The following PEX11A variants were observed in gnomAD, a reference collection of about 807,000 sequenced individuals.
PEX11A encodes peroxisomal membrane protein 11A.
Under a neutral mutation model 14.4 loss-of-function variants are expected in PEX11A, and 13 were observed. That is an observed-to-expected ratio of 0.90 (90% CI 0.59 to 1.43). The LOEUF (loss-of-function observed/expected upper bound fraction) is 1.43. PEX11A is among the 40% of genes most tolerant of loss of function. PEX11A has a pLI of 0.00. For synonymous variants in PEX11A, 101 were observed against 113.0 expected (o/e 0.89, Z 0.67); for missense variants, 290 against 302.8 (o/e 0.96, Z 0.31).
intron 2 of PEX11A, 33 bp downstream of exon 2, chr15:89,686,398 G>A (rs773664119): frequency 4.4e-6 from 4 of 912,658 alleles, no homozygotes; most frequent in Non-Finnish European, 5.5e-6. Context: ...TCTAAACCAG[G>A]AGTCACTGTC....
At position 89,686,637 on chromosome 15, in the gene PEX11A, CA is replaced by C. The variant is rs1403362651; in HGVS notation, c.57-92del. 42 of 666,716 alleles carry C rather than the reference CA, an allele frequency of 6.3e-5. 1 individual carries two copies. The highest frequency in any genetic ancestry group is 2.6e-4 in the Middle Eastern group (1 of 3,830). The allele number at this position is 666,716 out of a possible 1,614,324, so 41.3% of individuals were successfully genotyped here. ...TAAGGGAAAGAGAAACACATGCCTC[CA>C]GACAACATTTCCAAGACCATTTCTC... On this transcript the variant is annotated intron_variant, in intron 1 of 2. Coordinates refer to ENST00000300056, the MANE Select transcript of PEX11A (RefSeq NM_003847.3).
Position 89,683,267 on chromosome 15 carries a change from A to G in PEX11A, c.*110T>C. On this transcript the variant is annotated 3_prime_UTR_variant, in exon 3 of 3. Transcript: ENST00000300056. The stretch of plus-strand genomic sequence containing the variant: ...ACATCACAGGTTGTTAAATGCTCAC[A>G]TGAACAAGAACTTAAGCACAGTATG... 2 of 776,224 alleles carry G rather than the reference A, an allele frequency of 2.6e-6. No homozygotes were observed. The highest frequency in any genetic ancestry group is 4.3e-6 in the Non-Finnish European group (2 of 464,130). The allele number at this position is 776,224 out of a possible 1,614,324, so 48.1% of individuals were successfully genotyped here.
Position 89,690,678 on chromosome 15 carries a change from GTCCTCTGGGGCCCGTCGGAT to G in PEX11A, c.-66_-47del. 7.0e-7 allele frequency: 1 copy of G among 1,424,274 alleles called. No homozygotes were observed. Among genetic ancestry groups the G allele is most frequent in the Non-Finnish European group, 9.7e-7 (1 of 1,033,388 alleles). 88.2% of individuals were successfully genotyped at this position (1,424,274 alleles called of 1,614,324 possible). On this transcript the variant is annotated 5_prime_UTR_variant, in exon 1 of 3. Coordinates refer to ENST00000300056, the MANE Select transcript of PEX11A (RefSeq NM_003847.3). ...CGAGTCGCACGGGGCTCAGGCGTGG[GTCCTCTGGGGCCCGTCGGAT>G]CCCCAGGGAACGGTCAGTCCCAGGT...
At chr15:89,684,808 C>T (rs902518274) in intron 2 of PEX11A, among the ~76,000 whole-genome samples, 1 of 152,100 alleles carries the variant, frequency 6.6e-6, no homozygotes, top group African/African-American at 2.4e-5. Flanking sequence ...CTAAATGTCA[C>T]GGAGGATACA....
chr15:89,689,888 T>C (rs1005525509), intron 1 of PEX11A, among the ~76,000 whole-genome samples: 1 of 152,184 alleles, frequency 6.6e-6, no homozygotes, highest in African/African-American at 2.4e-5. Context: ...CCCAGCACTT[T>C]GGGAAGCCGA....
Position 89,683,286 on chromosome 15 carries a change from C to T in PEX11A, c.*91G>A. 1 of 880,870 alleles carries T rather than the reference C, an allele frequency of 1.1e-6. No homozygotes were observed. The highest frequency in any genetic ancestry group is 1.8e-6 in the Non-Finnish European group (1 of 554,904). 54.6% of individuals were successfully genotyped at this position (880,870 alleles called of 1,614,324 possible). On this transcript the variant is annotated 3_prime_UTR_variant, in exon 3 of 3. Transcript: ENST00000300056. ...GCTCACATGAACAAGAACTTAAGCACAGTATGACATGGCCTGTGACTTATA... is the reference window on the plus strand; with the variant it reads ...GCTCACATGAACAAGAACTTAAGCATAGTATGACATGGCCTGTGACTTATA...
rs1184709210 is a variant in PEX11A, at chr15:89,690,560, G to A, written c.56+17C>T. On this transcript the variant is annotated intron_variant, in intron 1 of 2. Transcript: ENST00000300056. ...TTAGGGCGAGAAAGGGGCGGAGGCC[G>A]CTGGCACCTGACTCACCTGAAGAGT... The A allele has an allele frequency of 6.5e-7, 1 of 1,546,890 alleles. No individual in the cohort carries two copies. The highest frequency in any genetic ancestry group is 2.5e-5 in the East Asian group (1 of 40,768).
At chr15:89,686,654 A>G (rs1964681342) in intron 1 of PEX11A, 108 bp from the exon 2 acceptor site, 1 of 614,900 alleles carries the variant, frequency 1.6e-6, no homozygotes, top group South Asian at 2.0e-5. Context: ...CATTTCCAAG[A>G]CCATTTCTCA....
Position 89,690,706 on chromosome 15 carries a change from G to C in PEX11A, c.-74C>G, listed in dbSNP as rs1479935487. 9.0e-7 allele frequency: 1 copy of C among 1,105,592 alleles called. No individual in the cohort carries two copies. Among genetic ancestry groups the C allele is most frequent in the Non-Finnish European group, 1.3e-6 (1 of 747,690 alleles). 68.5% of individuals were successfully genotyped at this position (1,105,592 alleles called of 1,614,324 possible). A position where few individuals can be genotyped will look rare whatever the true frequency, so the allele number is the denominator to read the frequency against. Reference sequence around the variant, plus strand: ...CTCTGGGGCCCGTCGGATCCCCAGGGAACGGTCAGTCCCAGGTTATCCGCT... The same window carrying C: ...CTCTGGGGCCCGTCGGATCCCCAGGCAACGGTCAGTCCCAGGTTATCCGCT... On this transcript the variant is annotated 5_prime_UTR_variant, in exon 1 of 3. Transcript: ENST00000300056.
intron 2 of PEX11A, among the ~76,000 whole-genome samples, chr15:89,684,223 T>A (rs1028287874): frequency 1.3e-5 from 2 of 152,158 alleles, no homozygotes; most frequent in Non-Finnish European, 2.9e-5. Context: ...TTTTAACAAC[T>A]GATGGTCATT....
In PEX11A at chr15:89,682,418, CCTT is replaced by C. The variant is rs1964612750; in HGVS notation, c.*956_*958del. On this transcript the variant is annotated 3_prime_UTR_variant, in exon 3 of 3. Transcript: ENST00000300056. ...TCTTGAACTCCTGGCCTCAAGCAATCCTTCCGCTTCAGCCTCCCAAAGTGCTGG... is the reference window on the plus strand; with the variant it reads ...TCTTGAACTCCTGGCCTCAAGCAATCCCGCTTCAGCCTCCCAAAGTGCTGG... 2.0e-5 allele frequency: 3 copies of C among 152,408 alleles called. No individual in the cohort carries two copies. In the East Asian group the frequency reaches 5.8e-4, roughly 29 times the overall value. 9.4% of individuals were successfully genotyped at this position (152,408 alleles called of 1,614,324 possible).
chr15:89,686,381 T>C (rs1567085146), intron 2 of PEX11A, 50 bp downstream of exon 2: 3 of 820,178 alleles, frequency 3.7e-6, no homozygotes, highest in Non-Finnish European at 6.4e-6. Flanking sequence ...GGTCTGAGGC[T>C]GAGGATTCTA....
In PEX11A at chr15:89,682,303, A is replaced by G. The variant is rs902267799; in HGVS notation, c.*1074T>C. 1.3e-5 allele frequency: 2 copies of G among 152,094 alleles called. No individual in the cohort carries two copies. Among genetic ancestry groups the G allele is most frequent in the Non-Finnish European group, 2.9e-5 (2 of 68,096 alleles). 9.4% of individuals were successfully genotyped at this position (152,094 alleles called of 1,614,324 possible). On this transcript the variant is annotated 3_prime_UTR_variant, in exon 3 of 3. Transcript: ENST00000300056. The stretch of plus-strand genomic sequence containing the variant: ...ATCCTCCTGCTTCAGCCTCCAGAGT[A>G]TCTGGGACTACAGGCATACTCCACC...
intron 1 of PEX11A, among the ~76,000 whole-genome samples, chr15:89,690,308 C>T (rs969586902): frequency 5.3e-5 from 8 of 152,224 alleles, no homozygotes; most frequent in Admixed American, 1.3e-4. Flanking sequence ...GCCGGTGTCC[C>T]GTCGTCGGCG....
In PEX11A at chr15:89,683,650, C is replaced by T. The variant is rs771868509; in HGVS notation, c.471G>A (p.Glu157=). ...AAAGAGGATCCTGGGATGCTGATTTCTCTTTCTTTGCCCTGTCACATGTAA... is the reference window on the plus strand; with the variant it reads ...AAAGAGGATCCTGGGATGCTGATTTTTCTTTCTTTGCCCTGTCACATGTAA... ...KRVTCDRAKK[E]KSASQDPLWF... The change falls in exon 3 of 3, where the codon GAG becomes GAA. Residue 157 remains glutamate, a synonymous_variant. Transcript: ENST00000300056. 6.2e-7 allele frequency: 1 copy of T among 1,614,082 alleles called. No individual in the cohort carries two copies. Among genetic ancestry groups the T allele is most frequent in the African/African-American group, 1.3e-5 (1 of 74,954 alleles).
chr15:89,683,310 T>C lies in PEX11A; in HGVS notation c.*67A>G. Reference sequence around the variant, plus strand: ...ACAGTATGACATGGCCTGTGACTTATACAAATGTCTGTCCCACCAAGAGGC... The same window carrying C: ...ACAGTATGACATGGCCTGTGACTTACACAAATGTCTGTCCCACCAAGAGGC... On this transcript the variant is annotated 3_prime_UTR_variant, in exon 3 of 3. Transcript: ENST00000300056. 5.6e-6 allele frequency: 6 copies of C among 1,077,122 alleles called. No homozygotes were observed. The highest frequency in any genetic ancestry group is 8.3e-6 in the Non-Finnish European group (6 of 727,136). The allele number at this position is 1,077,122 out of a possible 1,614,324, so 66.7% of individuals were successfully genotyped here. A position where few individuals can be genotyped will look rare whatever the true frequency, so the allele number is the denominator to read the frequency against.
At position 89,683,483 on chromosome 15, in the gene PEX11A, C is replaced by T. The variant is rs1442527277; in HGVS notation, c.638G>A (p.Gly213Glu). The change falls in exon 3 of 3, where the codon GGG becomes GAG. Residue 213 changes from glycine (G) to glutamate (E), a missense_variant. By Grantham distance (98) the Gly-to-Glu change is moderately conservative. Coordinates refer to ENST00000300056, the MANE Select transcript of PEX11A (RefSeq NM_003847.3). ...GATGCCAGGATTGGATTTATAGATC[C>T]CCAGCTGGTCCAAAGGGTTCAGGAT... ...CDILNPLDQL[G>E]IYKSNPGIIG... 1.9e-6 allele frequency: 3 copies of T among 1,614,074 alleles called. No homozygotes were observed. The highest frequency in any genetic ancestry group is 1.1e-5 in the South Asian group (1 of 91,068).
rs182346553 is a variant in PEX11A, at chr15:89,690,525, G to A, written c.56+52C>T. On this transcript the variant is annotated intron_variant, in intron 1 of 2. Coordinates refer to ENST00000300056, the MANE Select transcript of PEX11A (RefSeq NM_003847.3). Reference sequence around the variant, plus strand: ...TTCCCGGGTGCAGGGGAATAGGCACGGGAGCCGAGTTAGGGCGAGAAAGGG... The same window carrying A: ...TTCCCGGGTGCAGGGGAATAGGCACAGGAGCCGAGTTAGGGCGAGAAAGGG... The A allele has an allele frequency of 2.3e-5, 32 of 1,401,606 alleles. No homozygotes were observed. In the South Asian group the frequency reaches 3.2e-4, roughly 14 times the overall value. 86.8% of individuals were successfully genotyped at this position (1,401,606 alleles called of 1,614,324 possible).
intron 1 of PEX11A, among the ~76,000 whole-genome samples, chr15:89,688,830 C>T (rs1461541614): frequency 6.6e-6 from 1 of 152,136 alleles, no homozygotes; most frequent in African/African-American, 2.4e-5. Context: ...ATTCTCCTGC[C>T]TCAGCCTCCT....
Sources: gnomAD v4.1 joint callset for allele counts (sites outside exome capture counted in the v4.1 genomes callset) on GRCh38, gnomAD v4.1.1 for gene constraint, MANE v1.5 for transcripts, NCBI Gene and HGNC (gene_info 2026-07-23, HGNC 2026-07-21) for gene names.